Variants in CFAP53 observed in about 807,000 individuals in gnomAD.
CFAP53 encodes the protein cilia- and flagella-associated protein 53.
In CFAP53, 62 loss-of-function variants were observed where a neutral mutation model predicts 59.7. That is an observed-to-expected ratio of 1.04 (90% CI 0.85 to 1.28). The LOEUF (loss-of-function observed/expected upper bound fraction) is 1.28, where lower values mean the gene tolerates loss of function less well. CFAP53 is among the 50% of genes most tolerant of loss of function. CFAP53 has a pLI of 0.00. For missense variants in CFAP53, 629 were observed against 615.6 expected (o/e 1.02, Z -0.23); for synonymous variants, 218 against 205.7 (o/e 1.06, Z -0.51).
chr18:50,261,968 G>A, intron 2 of CFAP53, 22 bp downstream of exon 2: 1 of 1,568,040 alleles, frequency 6.4e-7, no homozygotes, highest in Non-Finnish European at 8.8e-7. Context: ...CATGGTTTAT[G>A]TCCCAGGTTT....
chr18:50,244,169 A>G (rs1416201510), intron 5 of CFAP53, among the ~76,000 whole-genome samples: 1 of 152,184 alleles, frequency 6.6e-6, no homozygotes, highest in African/African-American at 2.4e-5. Context: ...GGTTGTAGAT[A>G]TTATTAAACA....
At chr18:50,263,530 T>C (rs1056852740) in intron 1 of CFAP53, among the ~76,000 whole-genome samples, 1 of 152,186 alleles carries the variant, frequency 6.6e-6, no homozygotes, top group African/African-American at 2.4e-5. Context: ...CAGAAGATGA[T>C]GCTGGGGGTT....
At chr18:50,264,917 C>G (rs2033923703) in intron 1 of CFAP53, among the ~76,000 whole-genome samples, 1 of 152,186 alleles carries the variant, frequency 6.6e-6, no homozygotes, top group South Asian at 2.1e-4. Context: ...AACCCTACAG[C>G]CTACTTATGT....
chr18:50,261,034 TTC>T (rs775183164), intron 3 of CFAP53, 28 bp downstream of exon 3: 4 of 1,581,570 alleles, frequency 2.5e-6, no homozygotes, highest in Non-Finnish European at 3.4e-6. Flanking sequence ...CAACTTTGGA[TTC>T]TGTTTGTGTG....
At chr18:50,243,183 A>G (rs2033709750) in intron 5 of CFAP53, 67 bp from the exon 6 acceptor site, 2 of 1,102,988 alleles carry the variant, frequency 1.8e-6, no homozygotes, top group Admixed American at 2.0e-5. Context: ...GATACATTTA[A>G]AAAAAATCTT....
rs1178515683 is a variant in CFAP53 at position 50,243,104 on chromosome 18, TTATCA to T, written c.1004_1008del (p.Met335LysfsTer8). The T allele has an allele frequency of 1.9e-6, 3 of 1,609,738 alleles. No homozygotes were observed. The Admixed American group carries it at 5.0e-5, about 27-fold the overall frequency. On this transcript the variant is annotated frameshift_variant, in exon 6 of 8. Coordinates refer to ENST00000398545, the MANE Select transcript of CFAP53 (RefSeq NM_145020.5). LOFTEE classifies it high-confidence loss of function. ...TATTTATGGTATATCTTCTGTTCTC[TTATCA>T]TATCTTCCTATGTAACATAAAAATT...
intron 5 of CFAP53, among the ~76,000 whole-genome samples, chr18:50,248,142 A>AC (rs925726689): frequency 1.3e-4 from 19 of 150,992 alleles, no homozygotes; most frequent in South Asian, 2.1e-4. Flanking sequence ...AAAAAAAAAA[A>AC]AAAACAGAAA....
At chr18:50,261,546 C>G (rs2144436325) in intron 2 of CFAP53, among the ~76,000 whole-genome samples, 1 of 151,890 alleles carries the variant, frequency 6.6e-6, no homozygotes, top group South Asian at 2.1e-4. Context: ...GCAGGTGCCC[C>G]TATGCCCAGC....
Position 50,227,425 on chromosome 18 carries a change from T to G in CFAP53, c.1501A>C (p.Ile501Leu), listed in dbSNP as rs367750310. 1 of 1,614,062 alleles carries G rather than the reference T, an allele frequency of 6.2e-7. No individual in the cohort carries two copies. Among genetic ancestry groups the G allele is most frequent in the Non-Finnish European group, 8.5e-7 (1 of 1,180,018 alleles). ...GGGCATGCCTTGCGCATGGGATGAA[T>G]GTTTTGAGGCAGCACTTGATGGGTG... is the stretch of plus-strand genomic sequence containing the variant. The part of the protein sequence containing the change: ...LSTHQVLPQN[I>L]HPMRKACPSK... The change falls in exon 8 of 8, where the codon ATT becomes CTT. Residue 501 changes from isoleucine to leucine, a missense_variant. By Grantham distance (5) the Ile-to-Leu change is conservative (BLOSUM62 2). Transcript: ENST00000398545.
Position 50,227,512 on chromosome 18 carries a change from C to G in CFAP53, c.1414G>C (p.Glu472Gln). ...TTTGCTGCTACACCTGCTTCAAACT[C>G]TCGGCGTTTCTCTTCCTTCTCTGCT... ...QEAEKEEKRR[E>Q]FEAGVAANKM... is the part of the protein sequence containing the mutation. The change falls in exon 8 of 8, where the codon GAG (glutamate) becomes CAG (glutamine). Residue 472 changes from glutamate (E) to glutamine (Q), a missense_variant. Glu to Gln is a conservative substitution (Grantham distance 29). Transcript: ENST00000398545. 1 of 1,614,178 alleles carries G rather than the reference C, an allele frequency of 6.2e-7. No homozygotes were observed. The highest frequency in any genetic ancestry group is 8.5e-7 in the Non-Finnish European group (1 of 1,180,026).
At chr18:50,251,448 G>C (rs1283658074) in intron 4 of CFAP53, 33 bp downstream of exon 4, 7 of 1,582,086 alleles carry the variant, frequency 4.4e-6, no homozygotes, top group Non-Finnish European at 5.2e-6. Flanking sequence ...CCATGGCGTT[G>C]ATCACCCTCT....
chr18:50,254,627 G>A (rs113780096), intron 3 of CFAP53, among the ~76,000 whole-genome samples: 52 of 152,232 alleles, frequency 3.4e-4, no homozygotes, highest in African/African-American at 1.1e-3. Context: ...GGTGGCTCAC[G>A]CCTGTAATCT....
chr18:50,259,477 G>C (rs1254455290), intron 3 of CFAP53, among the ~76,000 whole-genome samples: 2 of 151,078 alleles, frequency 1.3e-5, no homozygotes, highest in African/African-American at 2.4e-5. Context: ...TGGGGGTGGA[G>C]GTGGGGACAG....
intron 3 of CFAP53, among the ~76,000 whole-genome samples, chr18:50,252,893 G>A (rs759637401): frequency 5.3e-5 from 8 of 152,230 alleles, no homozygotes; most frequent in Non-Finnish European, 1.2e-4. Context: ...GCACACGCCT[G>A]TAGTCCTAGC....
At chr18:50,248,328 T>C (rs1166071243) in intron 5 of CFAP53, among the ~76,000 whole-genome samples, 4 of 152,156 alleles carry the variant, frequency 2.6e-5, no homozygotes. Context: ...TAGCACCAAA[T>C]GCTGGTGAGG....
chr18:50,227,500 C>G lies in CFAP53; in HGVS notation c.1426G>C (p.Gly476Arg). The change falls in exon 8 of 8, where the codon GGT becomes CGT. Residue 476 changes from glycine (G) to arginine (R), a missense_variant. Physicochemically the swap from Gly to Arg is moderately radical, Grantham distance 125. Transcript: ENST00000398545. ...AAACACATCTTGTTTGCTGCTACACCTGCTTCAAACTCTCGGCGTTTCTCT... is the reference window on the plus strand; with the variant it reads ...AAACACATCTTGTTTGCTGCTACACGTGCTTCAAACTCTCGGCGTTTCTCT... ...KEEKRREFEA[G>R]VAANKMCLDK... 1 of 1,614,156 alleles carries G rather than the reference C, an allele frequency of 6.2e-7. No individual in the cohort carries two copies. Among genetic ancestry groups the G allele is most frequent in the Non-Finnish European group, 8.5e-7 (1 of 1,180,004 alleles).
chr18:50,251,441 T>G, intron 4 of CFAP53, 40 bp downstream of exon 4: 1 of 1,553,776 alleles, frequency 6.4e-7, no homozygotes. Context: ...ACTACACCCA[T>G]GGCGTTGATC....
intron 7 of CFAP53, among the ~76,000 whole-genome samples, chr18:50,234,981 C>A (rs965308481): frequency 1.6e-4 from 24 of 152,200 alleles, no homozygotes; most frequent in African/African-American, 5.8e-4. Context: ...CATCAAGGCC[C>A]AATAACAGGT....
intron 1 of CFAP53, among the ~76,000 whole-genome samples, chr18:50,265,081 T>C (rs965743747): frequency 1.3e-5 from 2 of 152,186 alleles, no homozygotes; most frequent in Non-Finnish European, 2.9e-5. Context: ...TCACAGACAA[T>C]ATAGCACATC....
Sources: allele counts gnomAD v4.1 joint callset (sites outside exome capture counted in the v4.1 genomes callset), GRCh38; gene constraint gnomAD v4.1.1; transcripts MANE v1.5; gene names NCBI Gene and HGNC (gene_info 2026-07-23, HGNC 2026-07-21).